PARVB: variants seen among roughly 807,000 people sequenced by gnomAD.
The protein encoded by PARVB is beta-parvin.
A neutral mutation model predicts 47.0 loss-of-function variants in PARVB; 46 were observed. The ratio of observed to expected loss-of-function variants is 0.98; its 90% CI spans 0.77 to 1.25. The LOEUF is 1.25. Among genes scored for constraint, PARVB ranks in the 50% most tolerant of loss-of-function variants. The probability of loss-of-function intolerance (pLI) is 0.00; values close to 1 mark genes in which losing one functional copy is unlikely to be tolerated. For missense variants in PARVB, 473 were observed against 471.6 expected, an observed-to-expected ratio of 1.00 and a Z score of -0.03; for synonymous variants, 196 against 196.3, an observed-to-expected ratio of 1.00 and a Z score of 0.01.
chr22:44,010,747 T>C (rs1194253328), intron 2 of PARVB, among the ~76,000 whole-genome samples: 1 of 150,270 alleles, frequency 6.7e-6, no homozygotes, highest in Non-Finnish European at 1.5e-5. Flanking sequence ...TGATTTTGTA[T>C]GGCCTGCGAG....
chr22:44,017,562 A>G (rs1163363346), intron 2 of PARVB, among the ~76,000 whole-genome samples: 1 of 152,174 alleles, frequency 6.6e-6, no homozygotes, highest in East Asian at 1.9e-4. Context: ...TCACACTGTA[A>G]TGGCATATTC....
intron 1 of PARVB, among the ~76,000 whole-genome samples, chr22:44,035,612 C>A (rs1046167497): frequency 5.3e-5 from 8 of 151,856 alleles, no homozygotes; most frequent in Non-Finnish European, 1.0e-4. Flanking sequence ...ACCTTGTGAT[C>A]CGCCTGCCTC....
intron 1 of PARVB, among the ~76,000 whole-genome samples, chr22:44,026,940 G>A (rs892555753): frequency 2.0e-5 from 3 of 152,050 alleles, no homozygotes; most frequent in African/African-American, 4.8e-5. Context: ...GATGAGTGAC[G>A]TGGCCTGTTC....
chr22:44,136,121 T>G (rs759180772), intron 6 of PARVB, among the ~76,000 whole-genome samples: 2 of 152,228 alleles, frequency 1.3e-5, no homozygotes, highest in Non-Finnish European at 2.9e-5. Flanking sequence ...ATTGCATGCC[T>G]CACCTCTCCT....
chr22:44,061,114 C>T (rs1309177604), intron 1 of PARVB, among the ~76,000 whole-genome samples: 1 of 152,124 alleles, frequency 6.6e-6, no homozygotes, highest in Non-Finnish European at 1.5e-5. Context: ...TACCCCTCGC[C>T]ACGCGTGGGG....
At chr22:44,007,706 T>C (rs2050480521) in intron 2 of PARVB, among the ~76,000 whole-genome samples, 1 of 152,228 alleles carries the variant, frequency 6.6e-6, no homozygotes, top group Non-Finnish European at 1.5e-5. Flanking sequence ...ATGTACCATT[T>C]GAGGTCTACA....
intron 11 of PARVB, among the ~76,000 whole-genome samples, chr22:44,162,085 G>A (rs780453151): frequency 2.6e-5 from 4 of 152,316 alleles, no homozygotes; most frequent in Middle Eastern, 3.4e-3. Context: ...ACCCTCTTGC[G>A]GTTGGTGCTG....
At chr22:44,033,245 T>C (rs2050856691) in intron 1 of PARVB, among the ~76,000 whole-genome samples, 1 of 152,164 alleles carries the variant, frequency 6.6e-6, no homozygotes, top group South Asian at 2.1e-4. Flanking sequence ...TTTCATCATG[T>C]TGGCCAGGCT....
At chr22:44,069,740 G>A (rs1180229440) in intron 1 of PARVB, among the ~76,000 whole-genome samples, 3 of 151,646 alleles carry the variant, frequency 2.0e-5, no homozygotes, top group Non-Finnish European at 4.4e-5. Flanking sequence ...TGTTGGCCAG[G>A]CTGGTCTTGA....
rs2054232815 is a variant in PARVB, at chr22:44,168,858, C to T, written c.*180C>T. 2 of 554,286 alleles carry T rather than the reference C, an allele frequency of 3.6e-6. No homozygotes were observed. The highest frequency in any genetic ancestry group is 4.8e-4 in the Middle Eastern group (1 of 2,094). The allele number at this position is 554,286 out of a possible 1,614,324, so 34.3% of individuals were successfully genotyped here. On this transcript the variant is annotated 3_prime_UTR_variant, in exon 13 of 13. Coordinates refer to ENST00000338758, the MANE Select transcript of PARVB (RefSeq NM_013327.5). Reference sequence around the variant, plus strand: ...CCCCCTGCCTCTTTTGGTTGTTGTTCTTAATCTCCTCTCCATGTAGTTCCC... The same window carrying T: ...CCCCCTGCCTCTTTTGGTTGTTGTTTTTAATCTCCTCTCCATGTAGTTCCC...
At position 44,079,743 on chromosome 22, in the gene PARVB, C is replaced by T. The variant is rs566146406; in HGVS notation, c.113-14185C>T. ...AGGAGTTCGAGACCAGCCTGGCCAA[C>T]ATGGTGAAACCCCGTCTCTACTAAA... On this transcript the variant is annotated intron_variant, in intron 1 of 12. Transcript: ENST00000338758. Among the ~76,000 whole-genome samples the T allele has an allele frequency of 5.8e-4, 88 of 152,250 alleles. 1 individual carries two copies. The highest frequency in any genetic ancestry group is 2.0e-3 in the African/African-American group (85 of 41,548).
At chr22:44,091,242 G>C (rs1412150179) in intron 1 of PARVB, among the ~76,000 whole-genome samples, 1 of 151,342 alleles carries the variant, frequency 6.6e-6, no homozygotes, top group Admixed American at 6.6e-5. Flanking sequence ...GCTGGCTCGC[G>C]GCTGGAATGT....
rs1004827451 is a variant in PARVB at position 44,068,957 on chromosome 22, A to G, written c.113-24971A>G. 9.9e-6 allele frequency: 6 copies of G among 604,506 alleles called. No homozygotes were observed. The highest frequency in any genetic ancestry group is 1.8e-5 in the Non-Finnish European group (6 of 342,370). The allele number at this position is 604,506 out of a possible 1,614,324, so 37.4% of individuals were successfully genotyped here. ...AGTGGTCTGTGGTCAGCAAGGAGCTATCGCTGGAAACACCCCGGTCCTTCC... is the reference window on the plus strand; with the variant it reads ...AGTGGTCTGTGGTCAGCAAGGAGCTGTCGCTGGAAACACCCCGGTCCTTCC... On this transcript the variant is annotated intron_variant, in intron 1 of 12. Transcript: ENST00000338758. The surrounding 1 kb of genome is among the most constrained non-coding windows in gnomAD (Gnocchi z 4.1).
intron 2 of PARVB, among the ~76,000 whole-genome samples, chr22:44,012,861 G>T (rs971072506): frequency 1.3e-5 from 2 of 151,234 alleles, no homozygotes; most frequent in Non-Finnish European, 2.9e-5. Flanking sequence ...TTAAAGAGAA[G>T]TGAAAGAAAG....
intron 1 of PARVB, among the ~76,000 whole-genome samples, chr22:44,037,101 C>T (rs915005386): frequency 3.3e-5 from 5 of 151,816 alleles, no homozygotes; most frequent in South Asian, 2.1e-4. Flanking sequence ...GCAGGAGGAT[C>T]GCTTGAGCCC....
At chr22:44,028,894 A>G (rs1375726956) in intron 1 of PARVB, among the ~76,000 whole-genome samples, 1 of 152,226 alleles carries the variant, frequency 6.6e-6, no homozygotes, top group Non-Finnish European at 1.5e-5. Flanking sequence ...TATGAAGTGG[A>G]GCATCTCTTC....
At chr22:44,151,372 A>T (rs996777151) in intron 9 of PARVB, 111 bp from the exon 10 acceptor site, 24 of 769,586 alleles carry the variant, frequency 3.1e-5, no homozygotes, top group Non-Finnish European at 5.6e-5. Flanking sequence ...CAAACAGGAG[A>T]TGATGAAAGC....
intron 1 of PARVB, among the ~76,000 whole-genome samples, chr22:44,086,510 A>G (rs1448601137): frequency 6.6e-6 from 1 of 152,178 alleles, no homozygotes; most frequent in East Asian, 1.9e-4. Flanking sequence ...AGGCCTTTGC[A>G]CGCGTGATGT....
chr22:44,123,366 C>A (rs1206244073), intron 4 of PARVB, among the ~76,000 whole-genome samples: 1 of 152,036 alleles, frequency 6.6e-6, no homozygotes, highest in Non-Finnish European at 1.5e-5. Context: ...CTTTGAGGTA[C>A]ATAATTTTGA....
Sources: gnomAD v4.1 joint callset for allele counts (sites outside exome capture counted in the v4.1 genomes callset) on GRCh38, gnomAD v4.1.1 for gene constraint, Gnocchi (gnomAD v3.1) non-coding constraint, MANE v1.5 for transcripts, NCBI Gene and HGNC (gene_info 2026-07-23, HGNC 2026-07-21) for gene names.